The following DERPC variants were observed in gnomAD, a reference collection of about 807,000 sequenced individuals.
DERPC encodes DERPC proline and glycine rich nuclear protein.
In DERPC, 1 loss-of-function variant was observed where a neutral mutation model predicts 7.2. That is an observed-to-expected ratio of 0.14 (90% CI 0.05 to 0.66). DERPC has a LOEUF of 0.66. Ranked by LOEUF, DERPC falls within the 30% of genes least tolerant of loss-of-function variation. The pLI, the probability that DERPC is intolerant of heterozygous loss-of-function variation, is 0.84. For missense variants in DERPC, 502 were observed against 299.4 expected, an observed-to-expected ratio of 1.68 and a Z score of -4.99; for synonymous variants, 185 against 117.6, an observed-to-expected ratio of 1.57 and a Z score of -3.71.
In DERPC at chr16:69,119,903, G is replaced by A; in HGVS notation, c.526C>T (p.Pro176Ser). Residue 176 changes from proline to serine, a missense_variant, in exon 3 of 3, where the codon CCC becomes TCC. Pro to Ser is a moderately conservative substitution (Grantham distance 74). Transcript: ENST00000519520. ...TTAGGTCCAGATCCAGGGCCCATGG[G>A]ACCACCACCTCTGGGGTCAGGACCT... ...GAGPDPRGGG[P>S]MGPGSGPNLR... is the part of the protein sequence containing the mutation. 1 of 702,288 alleles carries A rather than the reference G, an allele frequency of 1.4e-6. No homozygotes were observed. Among genetic ancestry groups the A allele is most frequent in the Non-Finnish European group, 2.6e-6 (1 of 384,990 alleles). 43.5% of individuals were successfully genotyped at this position (702,288 alleles called of 1,614,324 possible). A position where few individuals can be genotyped will look rare whatever the true frequency, so the allele number is the denominator to read the frequency against.
rs537896421 is a variant in DERPC at position 69,119,558 on chromosome 16, A to C, written c.871T>G (p.Ser291Ala). The C allele has an allele frequency of 1.7e-5, 12 of 702,794 alleles. No homozygotes were observed. The highest frequency in any genetic ancestry group is 8.7e-5 in the African/African-American group (5 of 57,336). 43.5% of individuals were successfully genotyped at this position (702,794 alleles called of 1,614,324 possible). The change falls in exon 3 of 3, where the codon TCT becomes GCT. Residue 291 changes from serine (S) to alanine (A), a missense_variant. Coordinates refer to ENST00000519520, the MANE Select transcript of DERPC (RefSeq NM_001002847.4). Reference sequence around the variant, plus strand: ...ATGTTTCCAGAAGCCTGTGAGAAAGAAGCTGAATTTGCTCCTAAAAGACCT... The same window carrying C: ...ATGTTTCCAGAAGCCTGTGAGAAAGCAGCTGAATTTGCTCCTAAAAGACCT... ...AAGLLGANSA[S>A]FSQASGNMGT... is the part of the protein sequence containing the mutation.
At chr16:69,121,081 A>C (rs759329610) in intron 2 of DERPC, 1 of 1,614,072 alleles carries the variant, frequency 6.2e-7, no homozygotes, top group Non-Finnish European at 8.5e-7. Flanking sequence ...GTCTCCCAGG[A>C]GGTTTCCAGC....
intron 1 of DERPC, among the ~76,000 whole-genome samples, chr16:69,125,231 A>G (rs1567592050): frequency 6.6e-6 from 1 of 152,194 alleles, no homozygotes; most frequent in Non-Finnish European, 1.5e-5. Context: ...AAATTCAAAT[A>G]TAAGTAGCAG....
At chr16:69,129,423 C>A (rs1365858596) in intron 1 of DERPC, among the ~76,000 whole-genome samples, 4 of 128,708 alleles carry the variant, frequency 3.1e-5, no homozygotes, top group Non-Finnish European at 6.5e-5. Flanking sequence ...GAGCGAGACT[C>A]CGTCACAAAA....
At chr16:69,126,628 C>T (rs1267699239) in intron 1 of DERPC, among the ~76,000 whole-genome samples, 12 of 152,172 alleles carry the variant, frequency 7.9e-5, no homozygotes, top group Non-Finnish European at 1.2e-4. Flanking sequence ...AAATGAAGTT[C>T]GAGCCCAGCT....
In DERPC at chr16:69,120,924, A is replaced by G; in HGVS notation, c.-221-275T>C. 1.2e-6 allele frequency: 1 copy of G among 842,820 alleles called. No individual in the cohort carries two copies. 52.2% of individuals were successfully genotyped at this position (842,820 alleles called of 1,614,324 possible). A position where few individuals can be genotyped will look rare whatever the true frequency, so the allele number is the denominator to read the frequency against. ...GCAGAGGTAGGGGGAGAACAAGCAG[A>G]GAGCATCGCAGATTAGCTAGGCCTT... On this transcript the variant is annotated intron_variant, in intron 2 of 2. Transcript: ENST00000519520. This position sits in a 1 kb window ranked among gnomAD's most constrained non-coding sequence, Gnocchi z 4.0.
chr16:69,118,504 G>T lies in DERPC; in HGVS notation c.*350C>A, dbSNP rs2152263806. The T allele has an allele frequency of 8.7e-7, 1 of 1,152,156 alleles. No homozygotes were observed. Among genetic ancestry groups the T allele is most frequent in the South Asian group, 1.2e-5 (1 of 82,000 alleles). The allele number at this position is 1,152,156 out of a possible 1,614,324, so 71.4% of individuals were successfully genotyped here. ...TGAGCAGGGGACTACATGTGAACTG[G>T]GACCTGCAGGCCAATGTATCCCTGA... On this transcript the variant is annotated 3_prime_UTR_variant, in exon 3 of 3. Transcript: ENST00000519520.
Position 69,121,618 on chromosome 16 carries a change from C to G in DERPC, c.-279-125G>C. 1.0e-5 allele frequency: 6 copies of G among 576,766 alleles called. No homozygotes were observed. In the South Asian group the frequency reaches 1.1e-4, roughly 11 times the overall value. 35.7% of individuals were successfully genotyped at this position (576,766 alleles called of 1,614,324 possible). On this transcript the variant is annotated intron_variant, in intron 1 of 2. Transcript: ENST00000519520. ...TCAGCCTCCCGAGTAGCTGGGAATA[C>G]AGGCACCCACCACTATGGCCAGCTA...
intron 1 of DERPC, among the ~76,000 whole-genome samples, chr16:69,129,773 A>G (rs1296618472): frequency 6.6e-6 from 1 of 152,202 alleles, no homozygotes; most frequent in Non-Finnish European, 1.5e-5. Context: ...CTTTACAAAT[A>G]TTAGCCTCGT....
chr16:69,121,934 G>A (rs922566780), intron 1 of DERPC, among the ~76,000 whole-genome samples: 9 of 152,148 alleles, frequency 5.9e-5, no homozygotes, highest in Non-Finnish European at 1.0e-4. Flanking sequence ...CTCCCAAAGT[G>A]CTGGGATTAC....
In DERPC at chr16:69,119,630, T is replaced by C. The variant is rs1197513190; in HGVS notation, c.799A>G (p.Met267Val). ...AGATCGAGGCCTTGAGGTCCAGCCA[T>C]TCTTAAGTTAAGACCAGATCCTGTG... ...LGTGSGLNLR[M>V]AGPQGLDLAP... Residue 267 changes from methionine (M) to valine (V), a missense_variant, in exon 3 of 3, where the codon ATG becomes GTG. Coordinates refer to ENST00000519520, the MANE Select transcript of DERPC (RefSeq NM_001002847.4). 1.4e-6 allele frequency: 1 copy of C among 690,218 alleles called. No homozygotes were observed. Among genetic ancestry groups the C allele is most frequent in the South Asian group, 1.5e-5 (1 of 66,700 alleles). 42.8% of individuals were successfully genotyped at this position (690,218 alleles called of 1,614,324 possible). A position where few individuals can be genotyped will look rare whatever the true frequency, so the allele number is the denominator to read the frequency against.
intron 1 of DERPC, among the ~76,000 whole-genome samples, chr16:69,129,562 C>T (rs1962345556): frequency 6.6e-6 from 1 of 152,136 alleles, no homozygotes; most frequent in African/African-American, 2.4e-5. Flanking sequence ...CCCTGACACC[C>T]TATGCTTTTA....
intron 2 of DERPC, 198 bp downstream of exon 2, chr16:69,121,238 C>T (rs1167304176): frequency 2.1e-6 from 3 of 1,431,918 alleles, no homozygotes; most frequent in Admixed American, 1.8e-5. Flanking sequence ...CCTCACACCA[C>T]CATTTGAGGC....
intron 1 of DERPC, among the ~76,000 whole-genome samples, chr16:69,130,306 A>G (rs1962407719): frequency 6.7e-6 from 1 of 149,648 alleles, no homozygotes; most frequent in South Asian, 2.2e-4. Context: ...AACGTTTTAG[A>G]AATTTTGTTT....
Position 69,119,213 on chromosome 16 carries a change from G to C in DERPC, c.1216C>G (p.Leu406Val). Residue 406 changes from leucine to valine, a missense_variant, in exon 3 of 3, where the codon CTT becomes GTT. Transcript: ENST00000519520. ...GGGAAGTTAGCTGGGTTGGGGCCAAGTGGCCCAGAGGCTCTTGGGAAAATG... is the reference window on the plus strand; with the variant it reads ...GGGAAGTTAGCTGGGTTGGGGCCAACTGGCCCAGAGGCTCTTGGGAAAATG... ...PTIFPRASGP[L>V]GPNPANFPRA... The C allele has an allele frequency of 1.4e-6, 1 of 703,054 alleles. No individual in the cohort carries two copies. Among genetic ancestry groups the C allele is most frequent in the Non-Finnish European group, 2.6e-6 (1 of 385,008 alleles). 43.6% of individuals were successfully genotyped at this position (703,054 alleles called of 1,614,324 possible).
At chr16:69,128,419 A>G (rs912692862) in intron 1 of DERPC, among the ~76,000 whole-genome samples, 1 of 152,216 alleles carries the variant, frequency 6.6e-6, no homozygotes, top group Non-Finnish European at 1.5e-5. Flanking sequence ...CCTTGGAAAG[A>G]TAAGAAGGTA....
intron 1 of DERPC, among the ~76,000 whole-genome samples, chr16:69,125,967 G>A (rs758579414): frequency 6.6e-6 from 1 of 152,204 alleles, no homozygotes; most frequent in Admixed American, 6.5e-5. Context: ...TTTTGAGACA[G>A]TGAGATAAGA....
Position 69,120,800 on chromosome 16 carries a change from C to T in DERPC, c.-221-151G>A, listed in dbSNP as rs1322857678. The stretch of plus-strand genomic sequence containing the variant: ...TTGAGCAGCCACACTGGACCACCCA[C>T]CCATGTGCCCTTTTTACTTTCTAGC... On this transcript the variant is annotated intron_variant, in intron 2 of 2. Transcript: ENST00000519520. The surrounding 1 kb of genome is among the most constrained non-coding windows in gnomAD (Gnocchi z 4.0). The T allele has an allele frequency of 9.5e-6, 7 of 735,308 alleles. No individual in the cohort carries two copies. Among genetic ancestry groups the T allele is most frequent in the Admixed American group, 6.6e-5 (3 of 45,624 alleles). 45.5% of individuals were successfully genotyped at this position (735,308 alleles called of 1,614,324 possible).
At chr16:69,123,972 C>T (rs920839254) in intron 1 of DERPC, among the ~76,000 whole-genome samples, 5 of 148,526 alleles carry the variant, frequency 3.4e-5, no homozygotes, top group South Asian at 2.1e-4. Context: ...GGTGTGGTGG[C>T]GCACGCCTGC....
Sources: allele counts gnomAD v4.1 joint callset (sites outside exome capture counted in the v4.1 genomes callset), GRCh38; gene constraint gnomAD v4.1.1; non-coding constraint Gnocchi (gnomAD v3.1); transcripts MANE v1.5; gene names NCBI Gene and HGNC (gene_info 2026-07-23, HGNC 2026-07-21).